The following MYSM1 variants were observed in gnomAD, a reference collection of about 807,000 sequenced individuals.
MYSM1 encodes Myb like, SWIRM and MPN domains 1.
A neutral mutation model predicts 116.0 loss-of-function variants in MYSM1; 51 were observed. The ratio of observed to expected loss-of-function variants is 0.44; its 90% CI spans 0.35 to 0.56. The LOEUF (loss-of-function observed/expected upper bound fraction) is 0.56. MYSM1 is among the 20% of genes least tolerant of loss of function. The probability of loss-of-function intolerance (pLI) is 0.00; values close to 1 mark genes in which losing one functional copy is unlikely to be tolerated. For synonymous variants in MYSM1, 313 were observed against 315.2 expected (o/e 0.99, Z 0.07); for missense variants, 900 against 974.9 (o/e 0.92, Z 1.02).
intron 10 of MYSM1, among the ~76,000 whole-genome samples, chr1:58,673,997 C>T (rs1644604698): frequency 6.6e-6 from 1 of 151,982 alleles, no homozygotes; most frequent in Non-Finnish European, 1.5e-5. Flanking sequence ...TTTATATTTC[C>T]TTTCATCATG....
intron 15 of MYSM1, among the ~76,000 whole-genome samples, 164 bp downstream of exon 15, chr1:58,667,683 T>C (rs1316478951): frequency 6.6e-6 from 1 of 152,154 alleles, no homozygotes; most frequent in African/African-American, 2.4e-5. Context: ...GCATATAGAA[T>C]GTTAAGTCAC....
At chr1:58,672,569 T>A (rs1476498695) in intron 11 of MYSM1, among the ~76,000 whole-genome samples, 1 of 152,136 alleles carries the variant, frequency 6.6e-6, no homozygotes, top group Non-Finnish European at 1.5e-5. Context: ...GTTTATAAAA[T>A]AAAGTAAATC....
At chr1:58,684,063 A>C (rs1644788670) in intron 7 of MYSM1, among the ~76,000 whole-genome samples, 1 of 152,074 alleles carries the variant, frequency 6.6e-6, no homozygotes, top group African/African-American at 2.4e-5. Context: ...GCTGCCTTGA[A>C]AATGCTTCTG....
In MYSM1 at chr1:58,676,778, C is replaced by T. The variant is rs1037057251; in HGVS notation, c.1390+148G>A. 59 of 731,894 alleles carry T rather than the reference C, an allele frequency of 8.1e-5. No homozygotes were observed. The Middle Eastern group carries it at 1.3e-3, about 17-fold the overall frequency. 45.3% of individuals were successfully genotyped at this position (731,894 alleles called of 1,614,324 possible). On this transcript the variant is annotated intron_variant, in intron 9 of 19. Coordinates refer to ENST00000472487, the MANE Select transcript of MYSM1 (RefSeq NM_001085487.3). ...AACACAGTTTAACCAACAGTAAAAT[C>T]TTAATAAAACATTTATTAAATAATG... is the stretch of plus-strand genomic sequence containing the variant.
chr1:58,695,039 C>A, intron 2 of MYSM1, 90 bp downstream of exon 2: 3 of 626,534 alleles, frequency 4.8e-6, no homozygotes, highest in Non-Finnish European at 5.3e-6. Context: ...TAGTTGAGAA[C>A]TAGCACTAAG....
At chr1:58,676,236 G>A (rs1644649589) in intron 9 of MYSM1, among the ~76,000 whole-genome samples, 2 of 149,522 alleles carry the variant, frequency 1.3e-5, no homozygotes, top group Non-Finnish European at 1.5e-5. Flanking sequence ...GGCCAATATG[G>A]TGAAACCCGT....
chr1:58,689,221 A>G, intron 5 of MYSM1, 105 bp from the exon 6 acceptor site: 1 of 795,222 alleles, frequency 1.3e-6, no homozygotes, highest in Non-Finnish European at 2.0e-6. Flanking sequence ...CAATACTTTG[A>G]GTCTAGGAAT....
intron 16 of MYSM1, 46 bp downstream of exon 16, chr1:58,666,992 G>C: frequency 1.8e-6 from 2 of 1,126,552 alleles, no homozygotes; most frequent in Non-Finnish European, 2.5e-6. Flanking sequence ...AGGGAGCATT[G>C]AGGGGGTGTG....
intron 14 of MYSM1, chr1:58,668,321 T>C: frequency 1.4e-6 from 1 of 693,084 alleles, no homozygotes; most frequent in Non-Finnish European, 1.9e-6. Flanking sequence ...AAAAAAACCC[T>C]CCAAATTACA....
At position 58,668,045 on chromosome 1, in the gene MYSM1, G is replaced by A. The variant is rs1246640014; in HGVS notation, c.1768-124C>T. 5.2e-5 allele frequency: 38 copies of A among 732,778 alleles called. No homozygotes were observed. The Middle Eastern group carries it at 1.9e-3, about 37-fold the overall frequency. 45.4% of individuals were successfully genotyped at this position (732,778 alleles called of 1,614,324 possible). A position where few individuals can be genotyped will look rare whatever the true frequency, so the allele number is the denominator to read the frequency against. Reference sequence around the variant, plus strand: ...CATCATGCTTTTATAAAATAAAGTAGCATAGGAGAGGAACTAGATGCTAGG... The same window carrying A: ...CATCATGCTTTTATAAAATAAAGTAACATAGGAGAGGAACTAGATGCTAGG... On this transcript the variant is annotated intron_variant, in intron 14 of 19. Transcript: ENST00000472487.
intron 6 of MYSM1, among the ~76,000 whole-genome samples, chr1:58,687,478 C>T (rs1444594533): frequency 6.6e-6 from 1 of 152,114 alleles, no homozygotes; most frequent in African/African-American, 2.4e-5. Flanking sequence ...AAAAATGAAC[C>T]TTAAATTCAA....
intron 6 of MYSM1, among the ~76,000 whole-genome samples, chr1:58,686,607 G>C (rs372049283): frequency 1.3e-5 from 2 of 152,300 alleles, no homozygotes; most frequent in African/African-American, 4.8e-5. Flanking sequence ...AACTCAAAGT[G>C]CTTCTGAAAA....
intron 7 of MYSM1, among the ~76,000 whole-genome samples, chr1:58,684,638 G>C (rs564942055): frequency 1.3e-5 from 2 of 150,576 alleles, no homozygotes; most frequent in Admixed American, 6.6e-5. Flanking sequence ...CAAATTACTT[G>C]AAAGATTAAG....
rs765675619 is a variant in MYSM1, at chr1:58,673,654, C to A, written c.1495-4G>T. 1.9e-6 allele frequency: 3 copies of A among 1,612,794 alleles called. No homozygotes were observed. Among genetic ancestry groups the A allele is most frequent in the Admixed American group, 1.7e-5 (1 of 59,948 alleles). The stretch of plus-strand genomic sequence containing the variant: ...GGACCCTACGTCTCCTTGTACGCTG[C>A]GATGAGATTAAAGTAAAGCAAAAGG... On this transcript the variant is annotated splice_polypyrimidine_tract_variant and splice_region_variant and intron_variant, in intron 10 of 19. Coordinates refer to ENST00000472487, the MANE Select transcript of MYSM1 (RefSeq NM_001085487.3).
chr1:58,674,195 C>T (rs1222421045), intron 10 of MYSM1, among the ~76,000 whole-genome samples: 1 of 152,054 alleles, frequency 6.6e-6, no homozygotes, highest in Non-Finnish European at 1.5e-5. Context: ...AAAGAACCAT[C>T]AAGAAAATGG....
chr1:58,692,914 G>A lies in MYSM1; in HGVS notation c.165C>T (p.Asn55=). Residue 55 remains asparagine (N), a synonymous_variant, in exon 3 of 20, where the codon AAC becomes AAT. Transcript: ENST00000472487. The part of the protein sequence containing the change: ...ENGLIPWTLD[N]TISEENRAVI... ...CAGCTCTGTTCTCTTCACTGATGGT[G>A]TTATCCAAGGTCCAAGGCTATTAAA... 3.7e-6 allele frequency: 6 copies of A among 1,607,366 alleles called. No individual in the cohort carries two copies. The highest frequency in any genetic ancestry group is 4.2e-6 in the Non-Finnish European group (5 of 1,177,132).
intron 1 of MYSM1, among the ~76,000 whole-genome samples, chr1:58,698,102 A>ATT (rs1553140002): frequency 3.9e-4 from 3 of 7,768 alleles, no homozygotes; most frequent in African/African-American, 7.7e-4. Context: ...ATATATATAT[A>ATT]TTTTTTTTTT....
chr1:58,684,355 G>A (rs6662280), intron 7 of MYSM1, among the ~76,000 whole-genome samples: 2,504 of 152,114 alleles, frequency 0.016, 75 homozygotes, highest in African/African-American at 0.057. Context: ...CACGAGGTCA[G>A]GAGATCCAGA....
intron 7 of MYSM1, among the ~76,000 whole-genome samples, chr1:58,683,100 T>C (rs1644773415): frequency 6.6e-6 from 1 of 152,258 alleles, no homozygotes; most frequent in Non-Finnish European, 1.5e-5. Flanking sequence ...AAAATTTCTA[T>C]AAATATATAA....
Sources: gnomAD v4.1 joint callset for allele counts (sites outside exome capture counted in the v4.1 genomes callset) on GRCh38, gnomAD v4.1.1 for gene constraint, MANE v1.5 for transcripts, NCBI Gene and HGNC (gene_info 2026-07-23, HGNC 2026-07-21) for gene names.